LRP1B: variants seen among roughly 807,000 people sequenced by gnomAD.
LRP1B encodes the protein low-density lipoprotein receptor-related protein 1B.
Under a neutral mutation model 556.6 loss-of-function variants are expected in LRP1B, and 217 were observed. The ratio of observed to expected loss-of-function variants is 0.39; its 90% CI spans 0.35 to 0.44. The LOEUF is 0.44. LRP1B is among the 20% of genes least tolerant of loss of function. LRP1B has a pLI of 1.00. For synonymous variants in LRP1B, 2,047 were observed against 1,865.8 expected (o/e 1.10, Z -2.50); for missense variants, 5,053 against 5,620.8 (o/e 0.90, Z 3.23).
chr2:141,530,340 A>C (rs2105190280), intron 2 of LRP1B, among the ~76,000 whole-genome samples: 1 of 152,246 alleles, frequency 6.6e-6, no homozygotes, highest in Middle Eastern at 3.4e-3. Flanking sequence ...ATATCACCAA[A>C]GTGCATTTAT....
chr2:140,934,035 T>G (rs1695130334), intron 20 of LRP1B, among the ~76,000 whole-genome samples: 1 of 152,102 alleles, frequency 6.6e-6, no homozygotes, highest in Non-Finnish European at 1.5e-5. Flanking sequence ...TGGTATTATA[T>G]TCTAAGGAAA....
At chr2:140,887,572 C>A (rs1215705651) in intron 23 of LRP1B, among the ~76,000 whole-genome samples, 2 of 152,022 alleles carry the variant, frequency 1.3e-5, no homozygotes, top group Admixed American at 6.6e-5. Flanking sequence ...GTTGAACACC[C>A]CAGATAATTA....
intron 7 of LRP1B, among the ~76,000 whole-genome samples, chr2:141,063,254 G>A (rs971511527): frequency 4.0e-5 from 6 of 151,796 alleles, no homozygotes; most frequent in African/African-American, 1.4e-4. Flanking sequence ...CAAACTTGGT[G>A]AATTAGTTTT....
intron 2 of LRP1B, among the ~76,000 whole-genome samples, chr2:141,655,526 A>G (rs1256862198): frequency 6.6e-6 from 1 of 152,176 alleles, no homozygotes; most frequent in African/African-American, 2.4e-5. Flanking sequence ...ATATAAGAAA[A>G]TAAAGATACA....
intron 66 of LRP1B, among the ~76,000 whole-genome samples, chr2:140,424,342 T>C (rs907742009): frequency 8.5e-5 from 13 of 152,208 alleles, no homozygotes; most frequent in African/African-American, 3.1e-4. Context: ...TAAACCATGA[T>C]TATTCATTCC....
chr2:140,822,583 G>A (rs1691364667), intron 31 of LRP1B, among the ~76,000 whole-genome samples: 1 of 152,170 alleles, frequency 6.6e-6, no homozygotes, highest in African/African-American at 2.4e-5. Flanking sequence ...TTAATTGTGA[G>A]GCACAATTGG....
At chr2:141,036,182 G>T (rs796994868) in intron 11 of LRP1B, among the ~76,000 whole-genome samples, 3 of 151,812 alleles carry the variant, frequency 2.0e-5, no homozygotes, top group Admixed American at 2.0e-4. Context: ...AACACATAAA[G>T]TATTACTCTT....
At chr2:142,052,810 G>T (rs1206983720) in intron 1 of LRP1B, among the ~76,000 whole-genome samples, 2 of 152,116 alleles carry the variant, frequency 1.3e-5, no homozygotes, top group Non-Finnish European at 2.9e-5. Flanking sequence ...GCCAAAAGCT[G>T]ACTCTATCAA....
chr2:141,695,724 A>AC (rs985860705), intron 2 of LRP1B, among the ~76,000 whole-genome samples: 2 of 151,962 alleles, frequency 1.3e-5, no homozygotes, highest in African/African-American at 4.8e-5. Flanking sequence ...GTTAAAAAAA[A>AC]CCCAAAAACC....
chr2:141,116,882 G>C (rs1040649204), intron 7 of LRP1B, among the ~76,000 whole-genome samples: 2 of 151,934 alleles, frequency 1.3e-5, no homozygotes, highest in African/African-American at 2.4e-5. Flanking sequence ...ATTTTCCTTG[G>C]ATTGCATATT....
chr2:142,029,275 T>A (rs1703607842), intron 1 of LRP1B, among the ~76,000 whole-genome samples: 1 of 151,902 alleles, frequency 6.6e-6, no homozygotes, highest in Non-Finnish European at 1.5e-5. Flanking sequence ...TCACTGCCCA[T>A]TTGTTAGAAC....
intron 2 of LRP1B, among the ~76,000 whole-genome samples, chr2:141,735,077 T>C (rs1404312697): frequency 2.0e-5 from 3 of 152,098 alleles, no homozygotes; most frequent in Non-Finnish European, 4.4e-5. Context: ...TAGGAAGAGT[T>C]TGTCCTTGGA....
At chr2:141,251,994 C>T (rs188447171) in intron 4 of LRP1B, among the ~76,000 whole-genome samples, 1 of 152,062 alleles carries the variant, frequency 6.6e-6, no homozygotes, top group East Asian at 1.9e-4. Context: ...CCACCAGTTT[C>T]CAGGAGGGTA....
chr2:141,886,475 A>G (rs1006225666), intron 1 of LRP1B, among the ~76,000 whole-genome samples: 4 of 152,128 alleles, frequency 2.6e-5, no homozygotes, highest in Non-Finnish European at 5.9e-5. Context: ...TATATATTTC[A>G]TCTTCATAAA....
intron 25 of LRP1B, among the ~76,000 whole-genome samples, chr2:140,880,610 A>T (rs540699089): frequency 6.6e-6 from 1 of 151,932 alleles, no homozygotes; most frequent in East Asian, 1.9e-4. Flanking sequence ...GGCATCTGTA[A>T]AAAAAAAGGT....
intron 1 of LRP1B, among the ~76,000 whole-genome samples, chr2:142,050,076 C>A (rs754371500): frequency 6.6e-6 from 1 of 152,134 alleles, no homozygotes; most frequent in Non-Finnish European, 1.5e-5. Context: ...GCTTGAATAG[C>A]ATGCTTATGC....
chr2:141,188,495 G>A lies in LRP1B; in HGVS notation c.939C>T (p.Asn313=), dbSNP rs774590969. Residue 313 remains asparagine, a synonymous_variant, in exon 7 of 91, where the codon AAC becomes AAT. Transcript: ENST00000389484. ...CAATCAGGGTGACACATACAGAACC[G>A]TTGGAATTACAAACAAAGATCCGGT... The part of the protein sequence containing the change: ...VGDRIFVCNS[N]GSVCVTLIDL... The A allele has an allele frequency of 1.4e-5, 22 of 1,612,502 alleles. No homozygotes were observed. The East Asian group carries it at 1.6e-4, about 11-fold the overall frequency.
rs1245557988 is a variant in LRP1B at position 140,994,007 on chromosome 2, A to C, written c.2632T>G (p.Ser878Ala). The change falls in exon 16 of 91, where the codon TCA becomes GCA. Residue 878 changes from serine (S) to alanine (A), a missense_variant. Physicochemically the swap from Ser to Ala is moderately conservative, Grantham distance 99 (BLOSUM62 1). Around this residue, in one of 5 missense-constraint regions of LRP1B, gnomAD observed 3,619 missense variants for 3,931.9 expected, o/e 0.92. Coordinates refer to ENST00000389484, the MANE Select transcript of LRP1B (RefSeq NM_018557.3). Reference protein sequence around the residue: ...DDCLDGSDEDSVNCFNHSCPD... With the variant: ...DDCLDGSDEDAVNCFNHSCPD... ...GAAGAGAACATACAGCAGTTTACTG[A>C]ATCCTCATCGCTTCCGTCTAGGCAG... The C allele has an allele frequency of 6.2e-7, 1 of 1,612,334 alleles. No individual in the cohort carries two copies.
chr2:140,745,089 A>G (rs1688272045), intron 35 of LRP1B, among the ~76,000 whole-genome samples: 1 of 152,210 alleles, frequency 6.6e-6, no homozygotes, highest in Admixed American at 6.5e-5. Context: ...GAACAAAGCA[A>G]CCAGACATGT....
Sources: gnomAD v4.1 joint callset for allele counts (sites outside exome capture counted in the v4.1 genomes callset) on GRCh38, gnomAD v4.1.1 for gene constraint, gnomAD v4.1.1 regional missense constraint, MANE v1.5 for transcripts, NCBI Gene and HGNC (gene_info 2026-07-23, HGNC 2026-07-21) for gene names.